STK4: variants seen among roughly 807,000 people sequenced by gnomAD.
The protein encoded by STK4 is serine/threonine-protein kinase 4.
A neutral mutation model predicts 64.9 loss-of-function variants in STK4; 30 were observed. The ratio of observed to expected loss-of-function variants is 0.46; its 90% CI spans 0.35 to 0.63. The LOEUF (loss-of-function observed/expected upper bound fraction) is 0.63. Ranked by LOEUF, STK4 falls within the 20% of genes least tolerant of loss-of-function variation. The probability of loss-of-function intolerance (pLI) is 0.01; values close to 1 mark genes in which losing one functional copy is unlikely to be tolerated. For synonymous variants in STK4, 177 were observed against 199.0 expected, an observed-to-expected ratio of 0.89 and a Z score of 0.93; for missense variants, 466 against 598.5, an observed-to-expected ratio of 0.78 and a Z score of 2.31.
Position 44,972,148 on chromosome 20 carries a change from C to G in STK4, c.106C>G (p.Leu36Val). 6.2e-7 allele frequency: 1 copy of G among 1,613,526 alleles called. No individual in the cohort carries two copies. The highest frequency in any genetic ancestry group is 1.1e-5 in the South Asian group (1 of 90,984). ...PEEVFDVLEK[L>V]GEGSYGSVYK... Reference sequence around the variant, plus strand: ...AGAAGTATTTGATGTCTTAGAGAAACTTGGAGAAGGGTGAGTGTAAAGAAA... The same window carrying G: ...AGAAGTATTTGATGTCTTAGAGAAAGTTGGAGAAGGGTGAGTGTAAAGAAA... The change falls in exon 2 of 11, where the codon CTT (leucine) becomes GTT (valine). Residue 36 changes from leucine to valine, a missense_variant. By Grantham distance (32) the Leu-to-Val change is conservative (BLOSUM62 1). Around this residue, in one of 2 missense-constraint regions of STK4, gnomAD observed 190 missense variants for 289.7 expected, o/e 0.66. Transcript: ENST00000372806.
chr20:44,997,085 C>T, intron 6 of STK4, 84 bp from the exon 7 acceptor site: 1 of 1,580,962 alleles, frequency 6.3e-7, no homozygotes, highest in Middle Eastern at 1.7e-4. Context: ...TACCAAGCTT[C>T]AAATGTAATT....
At chr20:45,068,434 C>G (rs1979775535) in intron 10 of STK4, among the ~76,000 whole-genome samples, 1 of 152,148 alleles carries the variant, frequency 6.6e-6, no homozygotes, top group Non-Finnish European at 1.5e-5. Context: ...TTGGTGCCTA[C>G]TACAAAAGGC....
chr20:45,058,651 C>T (rs978433483), intron 10 of STK4, among the ~76,000 whole-genome samples: 1 of 152,046 alleles, frequency 6.6e-6, no homozygotes, highest in Non-Finnish European at 1.5e-5. Context: ...TTTGCTATCT[C>T]GGAAATTTCC....
intron 5 of STK4, 29 bp from the exon 6 acceptor site, chr20:44,995,061 G>A: frequency 6.6e-7 from 1 of 1,520,830 alleles, no homozygotes; most frequent in Non-Finnish European, 8.9e-7. Context: ...TTTAAGCTTA[G>A]TGTCAGTCTC....
At chr20:45,045,417 T>C (rs2068677854) in intron 10 of STK4, among the ~76,000 whole-genome samples, 1 of 152,194 alleles carries the variant, frequency 6.6e-6, no homozygotes, top group Non-Finnish European at 1.5e-5. Flanking sequence ...AATTCATAAG[T>C]GTGTGTGTTT....
chr20:45,037,195 T>C (rs559394157), intron 10 of STK4, among the ~76,000 whole-genome samples: 17 of 152,154 alleles, frequency 1.1e-4, no homozygotes, highest in Admixed American at 8.5e-4. Context: ...ATAAGTGTCA[T>C]TGGAAGTGTG....
At chr20:45,023,784 C>A (rs758360878) in intron 9 of STK4, among the ~76,000 whole-genome samples, 8 of 152,164 alleles carry the variant, frequency 5.3e-5, no homozygotes, top group Middle Eastern at 3.4e-3. Context: ...TTTGAGGCCC[C>A]ATCTAAGTCC....
chr20:44,990,221 T>C (rs1306431022), intron 5 of STK4, among the ~76,000 whole-genome samples: 2 of 152,244 alleles, frequency 1.3e-5, no homozygotes, highest in Admixed American at 1.3e-4. Flanking sequence ...CTTTTAGCAA[T>C]GTTTTATAAT....
At chr20:45,025,932 C>T (rs1411541479) in intron 10 of STK4, among the ~76,000 whole-genome samples, 2 of 152,226 alleles carry the variant, frequency 1.3e-5, no homozygotes, top group Middle Eastern at 3.4e-3. Flanking sequence ...GAGGAAATGA[C>T]GCCATTCTTC....
chr20:45,061,562 C>G (rs4549170), intron 10 of STK4, among the ~76,000 whole-genome samples: 78,828 of 150,120 alleles, frequency 0.53, 21,790 homozygotes, highest in African/African-American at 0.68. Context: ...TACAGTGCTT[C>G]TGTTTAACCC....
At chr20:45,013,999 CTTTCT>C (rs2068097392) in intron 9 of STK4, among the ~76,000 whole-genome samples, 1 of 152,016 alleles carries the variant, frequency 6.6e-6, no homozygotes, top group Non-Finnish European at 1.5e-5. Context: ...TATATTTTCT[CTTTCT>C]TTTATCTTAA....
chr20:45,051,276 A>G (rs534726519), intron 10 of STK4, among the ~76,000 whole-genome samples: 12 of 152,358 alleles, frequency 7.9e-5, no homozygotes, highest in African/African-American at 2.9e-4. Flanking sequence ...CTAGACTGAA[A>G]GAAAAGTAAG....
At chr20:45,039,726 C>CT (rs1378719884) in intron 10 of STK4, among the ~76,000 whole-genome samples, 1 of 152,062 alleles carries the variant, frequency 6.6e-6, no homozygotes, top group African/African-American at 2.4e-5. Flanking sequence ...AAGACATGAA[C>CT]TTTTTTACTA....
At chr20:45,010,017 A>C (rs1037751493) in intron 9 of STK4, among the ~76,000 whole-genome samples, 3 of 151,722 alleles carry the variant, frequency 2.0e-5, no homozygotes, top group Non-Finnish European at 2.9e-5. Flanking sequence ...AGTGCATTTT[A>C]TTTCTTTCTT....
At chr20:45,041,106 T>G (rs1306788284) in intron 10 of STK4, among the ~76,000 whole-genome samples, 1 of 152,206 alleles carries the variant, frequency 6.6e-6, no homozygotes, top group African/African-American at 2.4e-5. Context: ...GCCACAAACT[T>G]AATTGGCCAA....
intron 1 of STK4, 64 bp from the exon 2 acceptor site, chr20:44,972,014 A>G (rs2067256312): frequency 1.4e-6 from 2 of 1,455,768 alleles, no homozygotes; most frequent in Admixed American, 1.8e-5. Flanking sequence ...AAAAAAAGAT[A>G]TATTTTATGT....
intron 10 of STK4, among the ~76,000 whole-genome samples, chr20:45,027,227 G>A (rs2068365613): frequency 6.6e-6 from 1 of 152,014 alleles, no homozygotes; most frequent in African/African-American, 2.4e-5. Context: ...TCAGGAGTTC[G>A]AGGCTAGCCT....
intron 9 of STK4, among the ~76,000 whole-genome samples, chr20:45,020,280 C>T (rs552440976): frequency 2.0e-5 from 3 of 152,112 alleles, no homozygotes; most frequent in Admixed American, 1.3e-4. Flanking sequence ...ATATGGTGGT[C>T]ATGCAGTTTG....
intron 10 of STK4, among the ~76,000 whole-genome samples, chr20:45,028,519 G>T (rs181443894): frequency 6.6e-6 from 1 of 152,080 alleles, no homozygotes; most frequent in East Asian, 1.9e-4. Context: ...CAAAGATGAG[G>T]TCTGGAAATG....
Sources: gnomAD v4.1 joint callset for allele counts (sites outside exome capture counted in the v4.1 genomes callset) on GRCh38, gnomAD v4.1.1 for gene constraint, gnomAD v4.1.1 regional missense constraint, MANE v1.5 for transcripts, NCBI Gene and HGNC (gene_info 2026-07-23, HGNC 2026-07-21) for gene names.